SUMF1: variants seen among roughly 807,000 people sequenced by gnomAD.
The protein encoded by SUMF1 is sulfatase modifying factor 1.
SUMF1 carries 48 observed loss-of-function variants against 47.6 expected under a neutral mutation model. The observed-to-expected ratio is 1.01, with a 90% confidence interval of 0.80 to 1.28. The LOEUF is 1.28. Among genes scored for constraint, SUMF1 ranks in the 50% most tolerant of loss-of-function variants. The pLI is 0.00. For missense variants in SUMF1, 571 were observed against 485.4 expected (o/e 1.18, Z -1.66); for synonymous variants, 230 against 192.1 (o/e 1.20, Z -1.63).
chr3:4,362,841 G>C lies in SUMF1; in HGVS notation c.1015-587C>G, dbSNP rs528752300. Among the ~76,000 whole-genome samples, 32 of 152,208 alleles carry C rather than the reference G, an allele frequency of 2.1e-4. 1 individual carries two copies. Among genetic ancestry groups the C allele is most frequent in the African/African-American group, 7.7e-4 (32 of 41,550 alleles). Reference sequence around the variant, plus strand: ...AAGTGGGAAGATCTCTTGAGCCTGGGTGTTTGAGGCTGCAGTACACCATCA... The same window carrying C: ...AAGTGGGAAGATCTCTTGAGCCTGGCTGTTTGAGGCTGCAGTACACCATCA... On this transcript the variant is annotated intron_variant, in intron 8 of 8. Coordinates refer to ENST00000272902, the MANE Select transcript of SUMF1 (RefSeq NM_182760.4).
At chr3:4,461,761 T>C (rs2079820413) in intron 1 of SUMF1, among the ~76,000 whole-genome samples, 1 of 152,130 alleles carries the variant, frequency 6.6e-6, no homozygotes, top group African/African-American at 2.4e-5. Flanking sequence ...TTTATACTAA[T>C]GAAATAAAGT....
chr3:4,214,648 T>C (rs903877522), intron 8 of SUMF1, among the ~76,000 whole-genome samples: 6 of 151,898 alleles, frequency 4.0e-5, no homozygotes, highest in Non-Finnish European at 7.4e-5. Context: ...ACTAAATAGA[T>C]AGACCACTAG....
At chr3:4,400,887 C>T (rs1047174035) in intron 7 of SUMF1, among the ~76,000 whole-genome samples, 11 of 152,046 alleles carry the variant, frequency 7.2e-5, no homozygotes, top group African/African-American at 2.4e-4. Context: ...CATATGTATA[C>T]ATGTGCCATG....
chr3:4,417,801 C>T (rs951560293), intron 5 of SUMF1, among the ~76,000 whole-genome samples: 3 of 152,140 alleles, frequency 2.0e-5, no homozygotes, highest in Admixed American at 1.3e-4. Flanking sequence ...CTGGAGGGAG[C>T]CCACTTGGCC....
chr3:4,442,316 C>A (rs986093341), intron 3 of SUMF1, among the ~76,000 whole-genome samples: 2 of 148,858 alleles, frequency 1.3e-5, no homozygotes, highest in Non-Finnish European at 3.0e-5. Context: ...AGTGCGGTGG[C>A]GCGATCTCGG....
rs557757791 is a variant in SUMF1, at chr3:4,134,687, GT to G, written c.1015-65943del. Among the ~76,000 whole-genome samples the G allele has an allele frequency of 1.7e-3, 256 of 152,150 alleles. 3 individuals are homozygous for G. The highest frequency in any genetic ancestry group is 6.0e-3 in the African/African-American group (248 of 41,504). On this transcript the variant is annotated intron_variant and NMD_transcript_variant, in intron 8 of 12. Coordinates refer to the SUMF1 transcript ENST00000448413. ...AAAAAATTAACGAATCCAGGAGCTG[GT>G]TTTTTGAAAAGATCAACAAAATTGA...
chr3:4,296,482 G>C (rs935286701), intron 8 of SUMF1, among the ~76,000 whole-genome samples: 7 of 152,102 alleles, frequency 4.6e-5, no homozygotes, highest in African/African-American at 1.7e-4. Context: ...ACATGGCTGG[G>C]GAGGCCTCAC....
rs759963054 is a variant in SUMF1 at position 4,467,169 on chromosome 3, G to A, written c.77C>T (p.Ser26Leu). The A allele has an allele frequency of 5.0e-6, 8 of 1,606,816 alleles. No homozygotes were observed. The highest frequency in any genetic ancestry group is 1.3e-5 in the African/African-American group (1 of 74,864). The change falls in exon 1 of 9, where the codon TCG (serine) becomes TTG (leucine). Residue 26 changes from serine (S) to leucine (L), a missense_variant. Coordinates refer to ENST00000272902, the MANE Select transcript of SUMF1 (RefSeq NM_182760.4). ...GCTCCCTGCCGCTCCACACAGCAGC[G>A]AGAGCAGCAGCAGCAAGAGGACGAG... The part of the protein sequence containing the change: ...LGLVLLLLLL[S>L]LLCGAAGSQE...
intron 9 of SUMF1, among the ~76,000 whole-genome samples, chr3:4,053,769 C>T (rs1256031922): frequency 6.6e-6 from 1 of 152,034 alleles, no homozygotes; most frequent in African/African-American, 2.4e-5. Flanking sequence ...ATTCCCAAGA[C>T]ACATAATAAA....
chr3:4,136,310 A>G (rs911496739), intron 8 of SUMF1, among the ~76,000 whole-genome samples: 26 of 152,120 alleles, frequency 1.7e-4, no homozygotes, highest in Admixed American at 1.2e-3. Context: ...CCTCAGAAAT[A>G]ATACCACACA....
At chr3:4,385,941 A>G (rs554041863) in intron 7 of SUMF1, among the ~76,000 whole-genome samples, 2 of 152,318 alleles carry the variant, frequency 1.3e-5, no homozygotes, top group South Asian at 2.1e-4. Context: ...TGGGCATCAT[A>G]TATGTGTGGG....
chr3:4,456,001 A>G (rs1255759644), intron 1 of SUMF1, among the ~76,000 whole-genome samples: 1 of 152,236 alleles, frequency 6.6e-6, no homozygotes, highest in Non-Finnish European at 1.5e-5. Flanking sequence ...TGAATTCAAC[A>G]GCACATTAAA....
At position 4,361,833 on chromosome 3, in the gene SUMF1, G is replaced by A. The variant is rs781049990; in HGVS notation, c.*311C>T. On this transcript the variant is annotated 3_prime_UTR_variant, in exon 9 of 9. Coordinates refer to ENST00000272902, the MANE Select transcript of SUMF1 (RefSeq NM_182760.4). ...GCGTCGGACCTGGGGTCTAACCCCT[G>A]TGGCAGAGCCTGCGTAGGACGCGGG... 1.8e-5 allele frequency: 7 copies of A among 383,118 alleles called. No individual in the cohort carries two copies. Among genetic ancestry groups the A allele is most frequent in the Non-Finnish European group, 3.5e-5 (7 of 201,738 alleles). 23.7% of individuals were successfully genotyped at this position (383,118 alleles called of 1,614,324 possible).
In SUMF1 at chr3:4,149,702, C is replaced by T. The variant is rs373017348; in HGVS notation, c.1015-80957G>A. Among the ~76,000 whole-genome samples the T allele has an allele frequency of 6.2e-4, 94 of 152,276 alleles. 1 individual carries two copies. The highest frequency in any genetic ancestry group is 2.0e-3 in the African/African-American group (83 of 41,552). ...AATCTATGGCCATATACTACTATCT[C>T]GAAAATTCACTGATATTGCAATTTG... is the stretch of plus-strand genomic sequence containing the variant. On this transcript the variant is annotated intron_variant and NMD_transcript_variant, in intron 8 of 12. Transcript: ENST00000448413.
chr3:4,227,245 A>G (rs1296573854), intron 8 of SUMF1, among the ~76,000 whole-genome samples: 1 of 152,080 alleles, frequency 6.6e-6, no homozygotes, highest in Admixed American at 6.6e-5. Flanking sequence ...TTCATTCCAC[A>G]CATGATTACC....
intron 8 of SUMF1, among the ~76,000 whole-genome samples, chr3:4,276,014 A>C (rs759800419): frequency 1.6e-4 from 25 of 152,152 alleles, no homozygotes; most frequent in Non-Finnish European, 2.2e-4. Context: ...TGGTTAACCT[A>C]TCCATAAGAA....
chr3:4,371,507 A>G (rs1044660832), intron 8 of SUMF1, among the ~76,000 whole-genome samples: 2 of 152,226 alleles, frequency 1.3e-5, no homozygotes, highest in East Asian at 3.8e-4. Context: ...AAACGAAATC[A>G]TTATAGAGAA....
intron 8 of SUMF1, among the ~76,000 whole-genome samples, chr3:4,271,483 ATAGATAG>A: frequency 6.7e-6 from 1 of 148,618 alleles, no homozygotes; most frequent in Non-Finnish European, 1.5e-5. Context: ...AGATAGATAG[ATAGATAG>A]ATAGATAGAT....
intron 8 of SUMF1, among the ~76,000 whole-genome samples, chr3:4,200,377 T>C (rs1695516099): frequency 6.6e-6 from 1 of 151,976 alleles, no homozygotes. Context: ...CACTCCCCAC[T>C]CTGCTGGGAG....
Sources: allele counts gnomAD v4.1 joint callset (sites outside exome capture counted in the v4.1 genomes callset), GRCh38; gene constraint gnomAD v4.1.1; transcripts MANE v1.5; gene names NCBI Gene and HGNC (gene_info 2026-07-23, HGNC 2026-07-21).